The following RPP30 variants were observed in gnomAD, a reference collection of about 807,000 sequenced individuals.
RPP30 encodes the protein ribonuclease P protein subunit p30.
Under a neutral mutation model 38.6 loss-of-function variants are expected in RPP30, and 36 were observed. That is an observed-to-expected ratio of 0.93 (90% confidence interval 0.71 to 1.23). RPP30 has a LOEUF of 1.23. RPP30 is among the 50% of genes most tolerant of loss of function. The pLI is 0.00. For synonymous variants in RPP30, 126 were observed against 112.7 expected (o/e 1.12, Z -0.75); for missense variants, 321 against 321.7 (o/e 1.00, Z 0.02).
At chr10:90,884,354 A>G (rs576600308) in intron 5 of RPP30, among the ~76,000 whole-genome samples, 1 of 152,290 alleles carries the variant, frequency 6.6e-6, no homozygotes, top group South Asian at 2.1e-4. Flanking sequence ...AAGACCTTAT[A>G]CTGATTTAAA....
At chr10:90,878,613 C>G (rs1327261834) in intron 4 of RPP30, among the ~76,000 whole-genome samples, 1 of 151,850 alleles carries the variant, frequency 6.6e-6, no homozygotes, top group Non-Finnish European at 1.5e-5. Flanking sequence ...TGCTTCAGGC[C>G]CCTCAAGTGT....
At chr10:90,896,518 T>A in intron 10 of RPP30, 126 bp downstream of exon 10, 1 of 666,596 alleles carries the variant, frequency 1.5e-6, no homozygotes, top group Non-Finnish European at 2.6e-6. Flanking sequence ...CAACCTGTTC[T>A]AAACACAGTC....
At chr10:90,877,024 CA>C (rs1185877908) in intron 4 of RPP30, among the ~76,000 whole-genome samples, 1 of 152,006 alleles carries the variant, frequency 6.6e-6, no homozygotes, top group African/African-American at 2.4e-5. Context: ...AAGAGCCCGT[CA>C]AAAAAGATGT....
At chr10:90,896,204 A>G in intron 9 of RPP30, 109 bp from the exon 10 acceptor site, 1 of 916,742 alleles carries the variant, frequency 1.1e-6, no homozygotes, top group Non-Finnish European at 1.8e-6. Context: ...CTGCTGTTGA[A>G]TTAATTAGCC....
intron 6 of RPP30, among the ~76,000 whole-genome samples, chr10:90,887,200 T>A (rs1424951467): frequency 6.6e-6 from 1 of 151,880 alleles, no homozygotes; most frequent in Non-Finnish European, 1.5e-5. Context: ...ACTCCTGGGC[T>A]CAAGCAATCC....
At chr10:90,880,197 A>G (rs1846906690) in intron 5 of RPP30, 1 of 142,364 alleles carries the variant, frequency 7.0e-6, no homozygotes, top group Non-Finnish European at 1.6e-5. Context: ...TGAGGTTTTA[A>G]TGTTACATCA....
Position 90,900,746 on chromosome 10 carries a change from A to C in RPP30, c.*67A>C. 2 of 1,542,220 alleles carry C rather than the reference A, an allele frequency of 1.3e-6. No homozygotes were observed. The highest frequency in any genetic ancestry group is 1.7e-6 in the Non-Finnish European group (2 of 1,148,780). ...TTATAGTTCATCAGCCACAACAAAAATAAAACCTTTGTGTGATTTACTGTT... is the reference window on the plus strand; with the variant it reads ...TTATAGTTCATCAGCCACAACAAAACTAAAACCTTTGTGTGATTTACTGTT... On this transcript the variant is annotated 3_prime_UTR_variant, in exon 11 of 11. Transcript: ENST00000371703.
downstream of RPP30, among the ~76,000 whole-genome samples, chr10:90,907,038 TCA>T (rs1847261395): frequency 6.6e-6 from 1 of 152,246 alleles, no homozygotes; most frequent in Non-Finnish European, 1.5e-5. Context: ...ATATTGTCTC[TCA>T]TGCCCTCTAC....
At chr10:90,872,130 C>A in intron 1 of RPP30, 62 bp downstream of exon 1, 1 of 1,373,096 alleles carries the variant, frequency 7.3e-7, no homozygotes, top group Non-Finnish European at 1.0e-6. Context: ...GGGCCACACT[C>A]CGGAGTAACT....
chr10:90,901,998 C>G lies in RPP30; in HGVS notation c.*1319C>G. On this transcript the variant is annotated 3_prime_UTR_variant, in exon 11 of 11. Coordinates refer to ENST00000371703, the MANE Select transcript of RPP30 (RefSeq NM_006413.5). The stretch of plus-strand genomic sequence containing the variant: ...GTATTTAGCAGAGACGGGGTTTCAC[C>G]GTGTTAGCCAGGATGGTCTCAATCT... The G allele has an allele frequency of 2.3e-6, 1 of 428,690 alleles. No individual in the cohort carries two copies. Among genetic ancestry groups the G allele is most frequent in the Non-Finnish European group, 3.1e-6 (1 of 321,766 alleles). 26.6% of individuals were successfully genotyped at this position (428,690 alleles called of 1,614,324 possible).
At chr10:90,889,293 T>C (rs1589498778) in intron 6 of RPP30, among the ~76,000 whole-genome samples, 1 of 151,146 alleles carries the variant, frequency 6.6e-6, no homozygotes, top group East Asian at 1.9e-4. Flanking sequence ...AGGATCACTT[T>C]ATAAGGATTA....
At position 90,888,341 on chromosome 10, in the gene RPP30, C is replaced by T. The variant is rs1358246328; in HGVS notation, c.432+2440C>T. On this transcript the variant is annotated intron_variant, in intron 6 of 10. Transcript: ENST00000371703. ...CAGCAATGCACAACAGATAATTCCTCATGTCTCACGACAGTGGTAAGATTC... is the reference window on the plus strand; with the variant it reads ...CAGCAATGCACAACAGATAATTCCTTATGTCTCACGACAGTGGTAAGATTC... Among the ~76,000 whole-genome samples the T allele has an allele frequency of 2.0e-5, 3 of 152,352 alleles. No homozygotes were observed. In the South Asian group the frequency reaches 6.2e-4, roughly 32 times the overall value.
chr10:90,891,304 C>T (rs1847079095), intron 6 of RPP30, among the ~76,000 whole-genome samples: 1 of 152,190 alleles, frequency 6.6e-6, no homozygotes, highest in Non-Finnish European at 1.5e-5. Flanking sequence ...CTGCCTTTGT[C>T]TTCAGTGTGT....
intron 10 of RPP30, among the ~76,000 whole-genome samples, chr10:90,897,799 C>G (rs1168981971): frequency 6.6e-6 from 1 of 151,734 alleles, no homozygotes; most frequent in African/African-American, 2.4e-5. Flanking sequence ...TTTAGAATTT[C>G]TTTTTGTGGG....
At chr10:90,895,513 A>G in intron 8 of RPP30, 30 bp downstream of exon 8, 1 of 1,288,710 alleles carries the variant, frequency 7.8e-7, no homozygotes. Context: ...CTTTGTTTTC[A>G]TCTTTCAGGT....
chr10:90,895,719 CTT>C lies in RPP30; in HGVS notation c.580-160_580-159del. The C allele has an allele frequency of 3.6e-6, 2 of 561,048 alleles. 1 individual carries two copies. 34.8% of individuals were successfully genotyped at this position (561,048 alleles called of 1,614,324 possible). ...GTTACAAAATGCCTTTCAAGCTTCTCTTATATTTTCAAAAGCTATGAAACCCA... is the reference window on the plus strand; with the variant it reads ...GTTACAAAATGCCTTTCAAGCTTCTCATATTTTCAAAAGCTATGAAACCCA... On this transcript the variant is annotated intron_variant, in intron 8 of 10. Transcript: ENST00000371703.
chr10:90,882,896 T>G (rs1846950602), intron 5 of RPP30, among the ~76,000 whole-genome samples: 2 of 152,226 alleles, frequency 1.3e-5, no homozygotes, highest in Admixed American at 6.5e-5. Flanking sequence ...TGTAGTGTCT[T>G]GAGGAAGGGA....
chr10:90,884,964 A>G (rs1235985226), intron 5 of RPP30, among the ~76,000 whole-genome samples: 2 of 152,226 alleles, frequency 1.3e-5, no homozygotes, highest in Non-Finnish European at 1.5e-5. Flanking sequence ...AAATCAAATA[A>G]TGGCAAAATC....
chr10:90,888,593 G>A (rs77124522), intron 6 of RPP30, among the ~76,000 whole-genome samples: 2,209 of 152,114 alleles, frequency 0.015, 48 homozygotes, highest in African/African-American at 0.04. Context: ...AATTCTGCTC[G>A]TTGTTAGTCA....
Sources: allele counts gnomAD v4.1 joint callset (sites outside exome capture counted in the v4.1 genomes callset), GRCh38; gene constraint gnomAD v4.1.1; transcripts MANE v1.5; gene names NCBI Gene and HGNC (gene_info 2026-07-23, HGNC 2026-07-21).